Variants in SLC12A9 observed in about 807,000 individuals in gnomAD.
The protein encoded by SLC12A9 is CCC-interacting protein 1.
Under a neutral mutation model 66.0 loss-of-function variants are expected in SLC12A9, and 55 were observed. The ratio of observed to expected loss-of-function variants is 0.83; its 90% CI spans 0.67 to 1.04. The LOEUF is 1.04. SLC12A9 is among the 50% of genes least tolerant of loss of function. The pLI, the probability that SLC12A9 is intolerant of heterozygous loss-of-function variation, is 0.00. For missense variants in SLC12A9, 1,061 were observed against 1,241.9 expected, an observed-to-expected ratio of 0.85 and a Z score of 2.19; for synonymous variants, 577 against 569.0, an observed-to-expected ratio of 1.01 and a Z score of -0.20.
At chr7:100,846,795 TA>T (rs1813927334) in intron 1 of SLC12A9, among the ~76,000 whole-genome samples, 3 of 152,146 alleles carry the variant, frequency 2.0e-5, no homozygotes, top group African/African-American at 4.8e-5. Flanking sequence ...AAGTAAAAAC[TA>T]AAAGGCAGAA....
chr7:100,840,817 T>C (rs1302857408), intron 1 of SLC12A9, among the ~76,000 whole-genome samples: 2 of 152,032 alleles, frequency 1.3e-5, no homozygotes, highest in Non-Finnish European at 2.9e-5. Flanking sequence ...AAACCTATAA[T>C]TGATAATTGA....
intron 1 of SLC12A9, among the ~76,000 whole-genome samples, chr7:100,840,432 G>A (rs1813760630): frequency 6.6e-6 from 1 of 152,166 alleles, no homozygotes; most frequent in South Asian, 2.1e-4. Context: ...ATGGCACAAA[G>A]TAACCTGTAA....
intron 1 of SLC12A9, among the ~76,000 whole-genome samples, chr7:100,833,142 G>A (rs575192115): frequency 1.2e-3 from 185 of 151,808 alleles, no homozygotes; most frequent in African/African-American, 4.1e-3. Flanking sequence ...TGTCCAGGCT[G>A]GTCTCAAACT....
rs190616813 is a variant in SLC12A9, at chr7:100,833,716, C to T, written n.228+6669C>T. The stretch of plus-strand genomic sequence containing the variant: ...TTGGGAGGCTGAGGTGGGCGGATCA[C>T]GAAGTCAGGAGATCGAGACAATCCT... On this transcript the variant is annotated intron_variant and non_coding_transcript_variant, in intron 1 of 1. Transcript: ENST00000461016. 7.2e-5 allele frequency among the ~76,000 whole-genome samples: 11 copies of T among 151,982 alleles called. No homozygotes were observed. The East Asian group carries it at 1.8e-3, about 24-fold the overall frequency.
intron 1 of SLC12A9, among the ~76,000 whole-genome samples, chr7:100,836,207 G>A (rs1270121315): frequency 6.6e-6 from 1 of 152,218 alleles, no homozygotes; most frequent in East Asian, 1.9e-4. Flanking sequence ...AGGAGGGAAA[G>A]TAAGAAGGAC....
chr7:100,861,756 G>C lies in SLC12A9; in HGVS notation c.1556G>C (p.Arg519Pro). The change falls in exon 12 of 14, where the codon CGG becomes CCG. Residue 519 changes from arginine to proline, a missense_variant. Coordinates refer to ENST00000354161, the MANE Select transcript of SLC12A9 (RefSeq NM_020246.4). The surrounding 1 kb of genome is among the most constrained non-coding windows in gnomAD (Gnocchi z 5.3). ...ACCCAGGTGCGTAAGTATCTGCTTC[G>C]GCTGGACGTCCGGAAGGATCACGTG... ...LFHQVRKYLL[R>P]LDVRKDHVKF... The C allele has an allele frequency of 6.2e-7, 1 of 1,614,078 alleles. No individual in the cohort carries two copies. Among genetic ancestry groups the C allele is most frequent in the African/African-American group, 1.3e-5 (1 of 75,000 alleles).
chr7:100,848,511 T>C (rs141365400), upstream of SLC12A9, among the ~76,000 whole-genome samples: 249 of 148,546 alleles, frequency 1.7e-3, 3 homozygotes, highest in Non-Finnish European at 2.5e-3. Context: ...AATAAATAAA[T>C]AAATAAATAA....
At chr7:100,849,797 T>C (rs982341347), upstream of SLC12A9, among the ~76,000 whole-genome samples, 4 of 151,530 alleles carry the variant, frequency 2.6e-5, no homozygotes, top group African/African-American at 9.7e-5. Flanking sequence ...AACAGTTCTC[T>C]ACCTCACTGG....
In SLC12A9 at chr7:100,866,011, C is replaced by A; in HGVS notation, c.2151C>A (p.Gly717=). 6.2e-7 allele frequency: 1 copy of A among 1,612,560 alleles called. No individual in the cohort carries two copies. The highest frequency in any genetic ancestry group is 8.5e-7 in the Non-Finnish European group (1 of 1,179,664). Residue 717 remains glycine (G), a synonymous_variant, in exon 14 of 14, where the codon GGC becomes GGA. Coordinates refer to ENST00000354161, the MANE Select transcript of SLC12A9 (RefSeq NM_020246.4). The surrounding 1 kb of genome is among the most constrained non-coding windows in gnomAD (Gnocchi z 7.3). Reference sequence around the variant, plus strand: ...AGCGGCTGAGCCGGGGGTCTGGGGGCACCTCTCAGCTGCACCATGTGGACG... The same window carrying A: ...AGCGGCTGAGCCGGGGGTCTGGGGGAACCTCTCAGCTGCACCATGTGGACG... ...PPERLSRGSG[G]TSQLHHVDVW...
At chr7:100,859,230 C>T in intron 7 of SLC12A9, 69 bp downstream of exon 7, 1 of 1,448,720 alleles carries the variant, frequency 6.9e-7, no homozygotes, top group Admixed American at 1.7e-5. Context: ...AGGGGAAACA[C>T]AGGCTGGGGG....
At chr7:100,851,772 T>C (rs1048002528), upstream of SLC12A9, among the ~76,000 whole-genome samples, 3 of 114,186 alleles carry the variant, frequency 2.6e-5, no homozygotes, top group Non-Finnish European at 3.4e-5. Context: ...GCCTGTGTAA[T>C]AGTTCCTGGA....
intron 5 of SLC12A9, chr7:100,857,397 T>G: frequency 1.7e-6 from 1 of 587,004 alleles, no homozygotes; most frequent in Non-Finnish European, 3.0e-6. Flanking sequence ...GAGGAACTTG[T>G]GTTCTAGCTG....
upstream of SLC12A9, among the ~76,000 whole-genome samples, chr7:100,849,443 C>T (rs916586596): frequency 4.0e-5 from 6 of 150,748 alleles, no homozygotes; most frequent in East Asian, 2.0e-4. Flanking sequence ...AGGGCGGGTG[C>T]GGTGGCTCAC....
At chr7:100,863,089 G>C (rs975288882) in intron 13 of SLC12A9, among the ~76,000 whole-genome samples, 1 of 146,610 alleles carries the variant, frequency 6.8e-6, no homozygotes, top group African/African-American at 2.5e-5. Flanking sequence ...TTGAGACGGA[G>C]TCTCACTCTG....
At chr7:100,839,664 G>A (rs1243829672) in intron 1 of SLC12A9, among the ~76,000 whole-genome samples, 1 of 152,136 alleles carries the variant, frequency 6.6e-6, no homozygotes, top group Non-Finnish European at 1.5e-5. Context: ...CCCCTGTGGA[G>A]GATCAACACA....
chr7:100,865,376 C>T, intron 13 of SLC12A9: 1 of 1,536,142 alleles, frequency 6.5e-7, no homozygotes. Flanking sequence ...ACTCGCATCC[C>T]CTGCCGTGAA....
chr7:100,863,548 C>T (rs1208254420), intron 13 of SLC12A9, among the ~76,000 whole-genome samples: 1 of 152,138 alleles, frequency 6.6e-6, no homozygotes, highest in Non-Finnish European at 1.5e-5. Context: ...AAAGGTTTTG[C>T]GGAGAGATGG....
At chr7:100,847,888 C>T (rs1213636907), upstream of SLC12A9, among the ~76,000 whole-genome samples, 2 of 151,822 alleles carry the variant, frequency 1.3e-5, no homozygotes, top group Admixed American at 6.6e-5. Flanking sequence ...GAGTTCAAGA[C>T]CAGCCTGGCC....
intron 1 of SLC12A9, among the ~76,000 whole-genome samples, chr7:100,828,115 A>C (rs1163358012): frequency 5.9e-5 from 9 of 152,346 alleles, no homozygotes. Context: ...GAACGTTCAC[A>C]CAGTCACCCC....
Sources: gnomAD v4.1 joint callset for allele counts (sites outside exome capture counted in the v4.1 genomes callset) on GRCh38, gnomAD v4.1.1 for gene constraint, Gnocchi (gnomAD v3.1) non-coding constraint, MANE v1.5 for transcripts, NCBI Gene and HGNC (gene_info 2026-07-23, HGNC 2026-07-21) for gene names.